Variants in NTM observed in about 807,000 individuals in gnomAD.
The protein encoded by NTM is IgLON family member 2.
NTM carries 13 observed loss-of-function variants against 42.1 expected under a neutral mutation model. The ratio of observed to expected loss-of-function variants is 0.31; its 90% CI spans 0.20 to 0.49. The LOEUF is 0.49. Among genes scored for constraint, NTM ranks in the 20% least tolerant of loss-of-function variants. NTM has a pLI of 0.99. For missense variants in NTM, 373 were observed against 452.8 expected, an observed-to-expected ratio of 0.82 and a Z score of 1.60; for synonymous variants, 187 against 179.2, an observed-to-expected ratio of 1.04 and a Z score of -0.35.
At chr11:131,678,856 C>A (rs924631650) in intron 1 of NTM, among the ~76,000 whole-genome samples, 1 of 152,202 alleles carries the variant, frequency 6.6e-6, no homozygotes, top group Non-Finnish European at 1.5e-5. Context: ...GGGACGGGGC[C>A]TGCACATCGG....
chr11:132,130,795 C>T (rs1460156600), intron 2 of NTM, among the ~76,000 whole-genome samples: 1 of 152,164 alleles, frequency 6.6e-6, no homozygotes, highest in Non-Finnish European at 1.5e-5. Context: ...CATGGATCCC[C>T]ACAGAGCAAG....
chr11:131,996,826 C>A (rs2068130646), intron 2 of NTM, among the ~76,000 whole-genome samples: 1 of 152,136 alleles, frequency 6.6e-6, no homozygotes, highest in South Asian at 2.1e-4. Flanking sequence ...TATGCTCTGC[C>A]AGGACTCTCC....
At chr11:132,323,728 G>T (rs1339122541) in intron 7 of NTM, among the ~76,000 whole-genome samples, 1 of 152,098 alleles carries the variant, frequency 6.6e-6, no homozygotes, top group Non-Finnish European at 1.5e-5. Flanking sequence ...AACCAAAAAA[G>T]AGAATTTTAG....
At chr11:132,198,926 G>T (rs2080734324) in intron 3 of NTM, among the ~76,000 whole-genome samples, 1 of 152,190 alleles carries the variant, frequency 6.6e-6, no homozygotes, top group South Asian at 2.1e-4. Flanking sequence ...GGCCCTAATG[G>T]AAGACAAGGT....
intron 1 of NTM, chr11:131,795,825 A>G: frequency 3.0e-6 from 3 of 985,390 alleles, no homozygotes; most frequent in Non-Finnish European, 3.6e-6. Flanking sequence ...AGAGTGATGG[A>G]ATGCCTGCAC....
chr11:132,188,282 A>G (rs1236055813), intron 3 of NTM, among the ~76,000 whole-genome samples: 1 of 152,190 alleles, frequency 6.6e-6, no homozygotes, highest in East Asian at 1.9e-4. Context: ...GGACTAACCC[A>G]AACGCCTCCT....
At chr11:131,661,196 G>T (rs894548655) in intron 1 of NTM, 14 of 417,948 alleles carry the variant, frequency 3.3e-5, no homozygotes, top group African/African-American at 2.7e-4. Flanking sequence ...CTTTGAAAGG[G>T]GTTTGTCCTG....
Position 131,493,421 on chromosome 11 carries a change from C to T in NTM, c.82+122533C>T, listed in dbSNP as rs73572320. ...AGAGCCCTGCTTTCTCTGTGTGTTTCGTTTTAAGGTGACTGAGCAGGTGAT... is the reference window on the plus strand; with the variant it reads ...AGAGCCCTGCTTTCTCTGTGTGTTTTGTTTTAAGGTGACTGAGCAGGTGAT... On this transcript the variant is annotated intron_variant, in intron 1 of 8. Transcript: ENST00000683400. 4.5e-3 allele frequency among the ~76,000 whole-genome samples: 678 copies of T among 152,214 alleles called. 6 individuals carry two copies. Among genetic ancestry groups the T allele is most frequent in the African/African-American group, 0.016 (649 of 41,526 alleles).
intron 1 of NTM, among the ~76,000 whole-genome samples, chr11:131,653,626 T>C (rs2066791042): frequency 6.6e-6 from 1 of 152,244 alleles, no homozygotes; most frequent in Non-Finnish European, 1.5e-5. Flanking sequence ...GATGCAAAGC[T>C]GGAGCCAGCT....
chr11:131,728,762 C>CGGAAGGA lies in NTM; in HGVS notation c.83-182802_83-182801insGGAAGGA, dbSNP rs1204503372. Among the ~76,000 whole-genome samples the CGGAAGGA allele has an allele frequency of 8.8e-3, 1,333 of 152,248 alleles. 15 individuals carry two copies. Among genetic ancestry groups the CGGAAGGA allele is most frequent in the African/African-American group, 0.03 (1,245 of 41,554 alleles). ...TTAACCTTGAGCCCCTCTGTCCTTC[C>CGGAAGGA]CAGAGAAAGAGGGGTAGGGCTGAAC... On this transcript the variant is annotated intron_variant, in intron 1 of 8. Coordinates refer to ENST00000683400, the MANE Select transcript of NTM (RefSeq NM_001352005.2).
chr11:131,550,159 T>A (rs1257803980), intron 1 of NTM, among the ~76,000 whole-genome samples: 1 of 152,248 alleles, frequency 6.6e-6, no homozygotes, highest in South Asian at 2.1e-4. Context: ...ATGTTTACTA[T>A]GTGCCAAGCA....
chr11:131,833,940 G>A (rs185513207), intron 1 of NTM, among the ~76,000 whole-genome samples: 39 of 152,076 alleles, frequency 2.6e-4, no homozygotes, highest in African/African-American at 8.4e-4. Context: ...AATTCTACTT[G>A]CTCTTCTCCC....
At chr11:132,219,043 G>C (rs1169010688) in intron 4 of NTM, among the ~76,000 whole-genome samples, 1 of 151,914 alleles carries the variant, frequency 6.6e-6, no homozygotes, top group Non-Finnish European at 1.5e-5. Flanking sequence ...TTTGGTTCTA[G>C]ACCCCATTTT....
chr11:131,392,405 G>A (rs910740892), intron 1 of NTM, among the ~76,000 whole-genome samples: 3 of 151,686 alleles, frequency 2.0e-5, no homozygotes, highest in Non-Finnish European at 2.9e-5. Flanking sequence ...CAACCATAGA[G>A]CCCCTGAAGG....
chr11:131,423,461 G>C (rs1241043626), intron 1 of NTM, among the ~76,000 whole-genome samples: 1 of 152,178 alleles, frequency 6.6e-6, no homozygotes. Context: ...TCTAGAATAA[G>C]GCTGATGTCG....
intron 4 of NTM, among the ~76,000 whole-genome samples, chr11:132,264,697 C>T (rs1008322097): frequency 7.2e-5 from 11 of 152,310 alleles, no homozygotes; most frequent in African/African-American, 2.6e-4. Flanking sequence ...AGGCATATCA[C>T]ATGTGAAGAC....
At chr11:131,793,557 C>A (rs886221519) in intron 1 of NTM, among the ~76,000 whole-genome samples, 5 of 152,168 alleles carry the variant, frequency 3.3e-5, no homozygotes, top group Non-Finnish European at 7.3e-5. Flanking sequence ...AAAGCCATAG[C>A]ACCTATGTGT....
intron 1 of NTM, among the ~76,000 whole-genome samples, chr11:131,887,699 T>C (rs1369855760): frequency 6.6e-6 from 1 of 152,212 alleles, no homozygotes; most frequent in African/African-American, 2.4e-5. Context: ...CATCGCACTG[T>C]AGGTAATGTG....
At chr11:132,273,256 T>C (rs77841541) in intron 4 of NTM, among the ~76,000 whole-genome samples, 4,061 of 151,582 alleles carry the variant, frequency 0.027, 182 homozygotes, top group African/African-American at 0.091. Flanking sequence ...AGAAATTCCA[T>C]TGATTCATAG....
Sources: gnomAD v4.1 joint callset for allele counts (sites outside exome capture counted in the v4.1 genomes callset) on GRCh38, gnomAD v4.1.1 for gene constraint, MANE v1.5 for transcripts, NCBI Gene and HGNC (gene_info 2026-07-23, HGNC 2026-07-21) for gene names.